GRIN3A: variants seen among roughly 807,000 people sequenced by gnomAD.
The protein encoded by GRIN3A is glutamate ionotropic receptor NMDA type subunit 3A, also known as glutamate receptor ionotropic, NMDA 3A.
Under a neutral mutation model 92.4 loss-of-function variants are expected in GRIN3A, and 47 were observed. That is an observed-to-expected ratio of 0.51 (90% CI 0.40 to 0.65). GRIN3A has a LOEUF of 0.65. Among genes scored for constraint, GRIN3A ranks in the 30% least tolerant of loss-of-function variants. The pLI is 0.00. For synonymous variants in GRIN3A, 527 were observed against 540.6 expected, an observed-to-expected ratio of 0.97 and a Z score of 0.35; for missense variants, 1,324 against 1,393.1, an observed-to-expected ratio of 0.95 and a Z score of 0.79.
intron 3 of GRIN3A, among the ~76,000 whole-genome samples, chr9:101,660,234 A>C (rs1184375136): frequency 6.6e-6 from 1 of 151,832 alleles, no homozygotes; most frequent in African/African-American, 2.4e-5. Context: ...CGGTTCCACT[A>C]TGGGCATCAT....
At chr9:101,605,091 A>G (rs1828261927) in intron 6 of GRIN3A, among the ~76,000 whole-genome samples, 1 of 152,242 alleles carries the variant, frequency 6.6e-6, no homozygotes, top group Non-Finnish European at 1.5e-5. Flanking sequence ...CGGGACCCAT[A>G]TCTTCAATTA....
intron 1 of GRIN3A, among the ~76,000 whole-genome samples, chr9:101,731,077 C>T (rs1166123241): frequency 6.6e-6 from 1 of 152,028 alleles, no homozygotes; most frequent in Non-Finnish European, 1.5e-5. Context: ...ACATTGTACT[C>T]CGTTAAAAAA....
chr9:101,643,122 G>T (rs922104187), intron 3 of GRIN3A, among the ~76,000 whole-genome samples: 2 of 152,066 alleles, frequency 1.3e-5, no homozygotes, highest in Non-Finnish European at 2.9e-5. Flanking sequence ...GTGCCAAAAG[G>T]TTGCAGACCA....
At chr9:101,737,182 C>G in intron 1 of GRIN3A, 99 bp downstream of exon 1, 1 of 941,224 alleles carries the variant, frequency 1.1e-6, no homozygotes, top group Non-Finnish European at 1.7e-6. Flanking sequence ...AAAGTAACAA[C>G]TCCCCTCAGA....
chr9:101,590,260 G>T (rs1214612086), intron 6 of GRIN3A, among the ~76,000 whole-genome samples: 2 of 152,112 alleles, frequency 1.3e-5, no homozygotes, highest in Non-Finnish European at 1.5e-5. Context: ...TTGGCTACTG[G>T]GGTAGGTACG....
chr9:101,675,578 CTTATA>C (rs1370056131), intron 2 of GRIN3A, among the ~76,000 whole-genome samples: 9 of 151,652 alleles, frequency 5.9e-5, no homozygotes, highest in African/African-American at 2.2e-4. Flanking sequence ...ATCTATGCAG[CTTATA>C]TTCTATTGAA....
chr9:101,572,903 G>C lies in GRIN3A; in HGVS notation c.*271C>G. 1 of 460,634 alleles carries C rather than the reference G, an allele frequency of 2.2e-6. No individual in the cohort carries two copies. Among genetic ancestry groups the C allele is most frequent in the East Asian group, 4.1e-5 (1 of 24,672 alleles). 28.5% of individuals were successfully genotyped at this position (460,634 alleles called of 1,614,324 possible). ...CCTGGTGAAAAGGTTAACGGCAGCTGGGGTTATCTGGTTATTCACAGATCT... is the reference window on the plus strand; with the variant it reads ...CCTGGTGAAAAGGTTAACGGCAGCTCGGGTTATCTGGTTATTCACAGATCT... On this transcript the variant is annotated 3_prime_UTR_variant, in exon 9 of 9. Coordinates refer to ENST00000361820, the MANE Select transcript of GRIN3A (RefSeq NM_133445.3).
chr9:101,671,561 G>C (rs1412112637), intron 2 of GRIN3A, among the ~76,000 whole-genome samples: 1 of 152,036 alleles, frequency 6.6e-6, no homozygotes, highest in Non-Finnish European at 1.5e-5. Flanking sequence ...CTAGATATTT[G>C]GCACAGGGAA....
chr9:101,662,580 T>C (rs1829184606), intron 3 of GRIN3A, among the ~76,000 whole-genome samples: 1 of 151,614 alleles, frequency 6.6e-6, no homozygotes, highest in Non-Finnish European at 1.5e-5. Flanking sequence ...TGAGCCTTTT[T>C]GAAAAGATTA....
rs112405452 is a variant in GRIN3A, at chr9:101,589,113, G to C, written c.2767-9753C>G. ...TGCCTCCCAAGTAGCTGGGACTAAA[G>C]GCATGTGCCACCACGCCTGGCTGAT... On this transcript the variant is annotated intron_variant, in intron 6 of 8. Coordinates refer to ENST00000361820, the MANE Select transcript of GRIN3A (RefSeq NM_133445.3). Among the ~76,000 whole-genome samples the C allele has an allele frequency of 4.7e-4, 71 of 152,160 alleles. 2 individuals carry two copies. Among genetic ancestry groups the C allele is most frequent in the African/African-American group, 1.6e-3 (66 of 41,512 alleles).
In GRIN3A at chr9:101,573,071, C is replaced by T. The variant is rs1270770004; in HGVS notation, c.*103G>A. 1.9e-6 allele frequency: 2 copies of T among 1,037,070 alleles called. No individual in the cohort carries two copies. Among genetic ancestry groups the T allele is most frequent in the African/African-American group, 1.6e-5 (1 of 63,904 alleles). 64.2% of individuals were successfully genotyped at this position (1,037,070 alleles called of 1,614,324 possible). The stretch of plus-strand genomic sequence containing the variant: ...TTGACCTTTAAGAAGACCTAGACCT[C>T]AGCTTCCCCACACCTTTGTCGATAG... On this transcript the variant is annotated 3_prime_UTR_variant, in exon 9 of 9. Transcript: ENST00000361820.
intron 1 of GRIN3A, among the ~76,000 whole-genome samples, chr9:101,688,425 G>T (rs1010831738): frequency 6.6e-6 from 1 of 152,146 alleles, no homozygotes; most frequent in Non-Finnish European, 1.5e-5. Context: ...CTTAAAATTT[G>T]TTCTGAGAAT....
At chr9:101,626,416 G>T (rs59881611) in intron 4 of GRIN3A, among the ~76,000 whole-genome samples, 8,287 of 152,234 alleles carry the variant, frequency 0.054, 331 homozygotes, top group East Asian at 0.23. Context: ...AATGCTAGGG[G>T]TTGTGCCTTG....
intron 3 of GRIN3A, among the ~76,000 whole-genome samples, chr9:101,640,881 A>G (rs1236499879): frequency 6.6e-6 from 1 of 152,080 alleles, no homozygotes; most frequent in Non-Finnish European, 1.5e-5. Flanking sequence ...CTGTAAGTAC[A>G]TTAAACCTCT....
chr9:101,737,268 A>G lies in GRIN3A; in HGVS notation c.699+13T>C, dbSNP rs373491138. The G allele has an allele frequency of 5.0e-6, 8 of 1,611,480 alleles. No individual in the cohort carries two copies. In the African/African-American group the frequency reaches 9.4e-5, roughly 19 times the overall value. ...AGCGCCCATCTCCACTCCACGCACC[A>G]GGCTCCTCTCACCTGACTCTCCCGT... is the stretch of plus-strand genomic sequence containing the variant. On this transcript the variant is annotated intron_variant, in intron 1 of 8. Coordinates refer to ENST00000361820, the MANE Select transcript of GRIN3A (RefSeq NM_133445.3).
intron 6 of GRIN3A, among the ~76,000 whole-genome samples, chr9:101,588,201 A>G (rs1346409871): frequency 6.6e-6 from 1 of 152,200 alleles, no homozygotes; most frequent in Non-Finnish European, 1.5e-5. Flanking sequence ...AGAGGGAGAA[A>G]AAAGATTCAT....
chr9:101,615,152 A>C (rs958793449), intron 5 of GRIN3A, among the ~76,000 whole-genome samples: 1 of 151,528 alleles, frequency 6.6e-6, no homozygotes, highest in East Asian at 1.9e-4. Context: ...ATGTCAAAGA[A>C]GCTAATTAGC....
At chr9:101,632,741 A>T (rs1279829366) in intron 3 of GRIN3A, among the ~76,000 whole-genome samples, 1 of 152,170 alleles carries the variant, frequency 6.6e-6, no homozygotes, top group Non-Finnish European at 1.5e-5. Flanking sequence ...GAAGCTATTG[A>T]TGCAACCCAG....
chr9:101,607,928 A>G (rs1201486791), intron 6 of GRIN3A, among the ~76,000 whole-genome samples: 1 of 152,264 alleles, frequency 6.6e-6, no homozygotes, highest in Non-Finnish European at 1.5e-5. Flanking sequence ...GACCAAGCTC[A>G]GTCAATGAAC....
Sources: gnomAD v4.1 joint callset for allele counts (sites outside exome capture counted in the v4.1 genomes callset) on GRCh38, gnomAD v4.1.1 for gene constraint, MANE v1.5 for transcripts, NCBI Gene and HGNC (gene_info 2026-07-23, HGNC 2026-07-21) for gene names.